Variants in KSR2 observed in about 807,000 individuals in gnomAD.
The protein encoded by KSR2 is kinase suppressor of ras 2.
A neutral mutation model predicts 107.8 loss-of-function variants in KSR2; 25 were observed. That is an observed-to-expected ratio of 0.23 (90% CI 0.17 to 0.32). The LOEUF is 0.32. Ranked by LOEUF, KSR2 falls within the 10% of genes least tolerant of loss-of-function variation. The pLI, the probability that KSR2 is intolerant of heterozygous loss-of-function variation, is 1.00. For missense variants in KSR2, 887 were observed against 1,268.9 expected (o/e 0.70, Z 4.57); for synonymous variants, 480 against 507.0 (o/e 0.95, Z 0.71).
intron 1 of KSR2, among the ~76,000 whole-genome samples, chr12:117,909,880 C>A (rs1482053612): frequency 6.7e-6 from 1 of 149,880 alleles, no homozygotes; most frequent in Non-Finnish European, 1.5e-5. Context: ...TGCATTGCAG[C>A]CTAGGTGACA....
At position 117,467,961 on chromosome 12, in the gene KSR2, A is replaced by G. The variant is rs946437921; in HGVS notation, c.2847-756T>C. ...CCAGCCCAACTCCACAATAAAATAT[A>G]GAAAGAGAAGCCTCCTGCCTTTCCC... On this transcript the variant is annotated intron_variant, in intron 19 of 19. Transcript: ENST00000339824. 1.5e-5 allele frequency: 5 copies of G among 342,826 alleles called. No homozygotes were observed. The East Asian group carries it at 2.4e-4, about 17-fold the overall frequency. The allele number at this position is 342,826 out of a possible 1,614,324, so 21.2% of individuals were successfully genotyped here. A position where few individuals can be genotyped will look rare whatever the true frequency, so the allele number is the denominator to read the frequency against.
At chr12:117,503,404 T>C (rs1275947793) in intron 14 of KSR2, among the ~76,000 whole-genome samples, 2 of 152,202 alleles carry the variant, frequency 1.3e-5, no homozygotes, top group Admixed American at 6.5e-5. Context: ...TGACTGGCCC[T>C]GGCCAGTGAA....
intron 4 of KSR2, among the ~76,000 whole-genome samples, chr12:117,734,078 T>G (rs746949200): frequency 6.6e-6 from 1 of 152,018 alleles, no homozygotes; most frequent in Non-Finnish European, 1.5e-5. Context: ...GTTAAGAGTT[T>G]GAGACCAGCC....
At position 117,761,512 on chromosome 12, in the gene KSR2, G is replaced by A. The variant is rs763664433; in HGVS notation, c.485C>T (p.Ser162Phe). 10 of 1,613,512 alleles carry A rather than the reference G, an allele frequency of 6.2e-6. No homozygotes were observed. Among genetic ancestry groups the A allele is most frequent in the Non-Finnish European group, 8.5e-6 (10 of 1,179,802 alleles). ...CCACTGGATGGTCCAGTCTTGTTTG[G>A]AAAGGTTGCCTCCTGAGTTGGAACA... ...RNVHMSGGNL[S>F]KQDWTIQWPT... Residue 162 changes from serine to phenylalanine, a missense_variant, in exon 4 of 20, where the codon TCC becomes TTC. Coordinates refer to ENST00000339824, the MANE Select transcript of KSR2 (RefSeq NM_173598.6).
chr12:117,794,581 ACAT>A (rs1030811142), intron 3 of KSR2, among the ~76,000 whole-genome samples: 13 of 147,384 alleles, frequency 8.8e-5, no homozygotes, highest in African/African-American at 2.3e-4. Context: ...ATGCACACAT[ACAT>A]CAACATGCAC....
chr12:117,861,271 G>A (rs1231773839), intron 1 of KSR2, among the ~76,000 whole-genome samples: 1 of 151,828 alleles, frequency 6.6e-6, no homozygotes. Context: ...CAGTCTCCAG[G>A]GTACACTGAT....
intron 14 of KSR2, among the ~76,000 whole-genome samples, chr12:117,498,174 T>A (rs977941375): frequency 1.3e-5 from 2 of 152,126 alleles, no homozygotes; most frequent in African/African-American, 4.8e-5. Context: ...CAGGATTTCA[T>A]AAGCTCGCCA....
At position 117,899,498 on chromosome 12, in the gene KSR2, T is replaced by A. The variant is rs549397204; in HGVS notation, c.181-39067A>T. ...ACAGAGACCCTGTCTCAAAAAAAAA[T>A]TAGAAAAATAAAAAATGAATAAAGC... is the stretch of plus-strand genomic sequence containing the variant. On this transcript the variant is annotated intron_variant, in intron 1 of 19. Transcript: ENST00000339824. Among the ~76,000 whole-genome samples the A allele has an allele frequency of 1.4e-4, 22 of 151,840 alleles. No individual in the cohort carries two copies. In the East Asian group the frequency reaches 3.9e-3, roughly 27 times the overall value.
intron 9 of KSR2, among the ~76,000 whole-genome samples, chr12:117,552,301 T>C (rs568511107): frequency 2.0e-5 from 3 of 152,344 alleles, no homozygotes; most frequent in South Asian, 2.1e-4. Flanking sequence ...CTGAGGTTAG[T>C]GTTCTTATTG....
At chr12:117,666,008 T>C (rs923918249) in intron 5 of KSR2, among the ~76,000 whole-genome samples, 6 of 152,206 alleles carry the variant, frequency 3.9e-5, no homozygotes, top group African/African-American at 1.4e-4. Flanking sequence ...GGGTGCTCTC[T>C]CTGGCAGTGA....
intron 1 of KSR2, among the ~76,000 whole-genome samples, chr12:117,905,845 T>G (rs1012562179): frequency 1.3e-5 from 2 of 151,826 alleles, no homozygotes; most frequent in Non-Finnish European, 2.9e-5. Context: ...TTATACCAAG[T>G]TCCCTTTTTT....
chr12:117,564,766 C>G (rs1878358002), intron 7 of KSR2, among the ~76,000 whole-genome samples: 1 of 151,984 alleles, frequency 6.6e-6, no homozygotes, highest in Non-Finnish European at 1.5e-5. Context: ...GGGTAAGTAT[C>G]AGAGAGATGG....
intron 1 of KSR2, among the ~76,000 whole-genome samples, chr12:117,913,705 G>A (rs765009446): frequency 2.0e-5 from 3 of 152,154 alleles, no homozygotes; most frequent in Admixed American, 6.5e-5. Context: ...TACAGCTTTC[G>A]GAGGAAGCAT....
intron 5 of KSR2, among the ~76,000 whole-genome samples, chr12:117,584,766 G>A (rs571173495): frequency 6.6e-6 from 1 of 152,312 alleles, no homozygotes; most frequent in South Asian, 2.1e-4. Context: ...TTACTCAGTA[G>A]GTGCTAGGGA....
chr12:117,518,655 C>G (rs1874543230), intron 14 of KSR2, among the ~76,000 whole-genome samples: 1 of 152,248 alleles, frequency 6.6e-6, no homozygotes, highest in South Asian at 2.1e-4. Flanking sequence ...GTGGGCTTCC[C>G]ATTGCCGTAG....
intron 14 of KSR2, among the ~76,000 whole-genome samples, chr12:117,509,035 G>A (rs146787181): frequency 3.0e-4 from 46 of 151,792 alleles, no homozygotes; most frequent in African/African-American, 1.0e-3. Context: ...GGGGTCTGGG[G>A]GATATAAGAT....
At chr12:117,637,681 T>TG in intron 5 of KSR2, among the ~76,000 whole-genome samples, 1 of 125,094 alleles carries the variant, frequency 8.0e-6, no homozygotes, top group African/African-American at 3.3e-5. Context: ...TTGGGTTTTT[T>TG]TTTTTTTTTT....
chr12:117,884,110 T>C (rs1351191264), intron 1 of KSR2, among the ~76,000 whole-genome samples: 1 of 152,032 alleles, frequency 6.6e-6, no homozygotes, highest in Non-Finnish European at 1.5e-5. Flanking sequence ...GTGCCCATCT[T>C]ACAAATAGAA....
intron 1 of KSR2, among the ~76,000 whole-genome samples, chr12:117,880,365 G>A (rs1171838898): frequency 1.3e-5 from 2 of 151,880 alleles, no homozygotes; most frequent in South Asian, 2.1e-4. Flanking sequence ...TGTACTAGAC[G>A]GTGCAGACAC....
Sources: allele counts gnomAD v4.1 joint callset (sites outside exome capture counted in the v4.1 genomes callset), GRCh38; gene constraint gnomAD v4.1.1; transcripts MANE v1.5; gene names NCBI Gene and HGNC (gene_info 2026-07-23, HGNC 2026-07-21).